DOCK1: variants seen among roughly 807,000 people sequenced by gnomAD.
The protein encoded by DOCK1 is dedicator of cytokinesis 1.
A neutral mutation model predicts 262.7 loss-of-function variants in DOCK1; 138 were observed. The observed-to-expected ratio is 0.53, with a 90% CI of 0.46 to 0.61. The LOEUF (loss-of-function observed/expected upper bound fraction) is 0.61. DOCK1 is among the 20% of genes least tolerant of loss of function. DOCK1 has a pLI of 0.00. For synonymous variants in DOCK1, 866 were observed against 867.4 expected (o/e 1.00, Z 0.03); for missense variants, 1,908 against 2,370.7 (o/e 0.80, Z 4.05).
intron 23 of DOCK1, among the ~76,000 whole-genome samples, chr10:127,081,034 C>A (rs2046869933): frequency 6.6e-6 from 1 of 152,114 alleles, no homozygotes; most frequent in Non-Finnish European, 1.5e-5. Context: ...TGTTCCTGAA[C>A]CCATGGTGCT....
At chr10:127,273,699 C>T (rs1416118416) in intron 29 of DOCK1, among the ~76,000 whole-genome samples, 2 of 152,022 alleles carry the variant, frequency 1.3e-5, no homozygotes, top group East Asian at 1.9e-4. Flanking sequence ...CTGGGCAACA[C>T]GACGCAACCC....
intron 27 of DOCK1, among the ~76,000 whole-genome samples, chr10:127,181,075 A>G (rs768992925): frequency 5.3e-5 from 8 of 152,180 alleles, no homozygotes; most frequent in Non-Finnish European, 1.2e-4. Flanking sequence ...CCCAGAAATG[A>G]TGAGATGGGG....
intron 27 of DOCK1, among the ~76,000 whole-genome samples, chr10:127,148,642 T>G (rs1176887293): frequency 6.6e-6 from 1 of 152,190 alleles, no homozygotes; most frequent in African/African-American, 2.4e-5. Flanking sequence ...GTGTGACTCA[T>G]CAGATTAGTC....
chr10:127,336,529 T>C (rs1218436872), intron 29 of DOCK1, among the ~76,000 whole-genome samples: 2 of 151,728 alleles, frequency 1.3e-5, no homozygotes, highest in African/African-American at 4.8e-5. Context: ...TAGCATGACA[T>C]ACATAGTTTT....
rs146931924 is a variant in DOCK1 at position 126,919,075 on chromosome 10, A to G, written c.46+13512A>G. 2.9e-3 allele frequency among the ~76,000 whole-genome samples: 449 copies of G among 152,268 alleles called. 2 individuals are homozygous for G. Among genetic ancestry groups the G allele is most frequent in the African/African-American group, 9.8e-3 (408 of 41,562 alleles). ...TTCATTCTCCTTCTGAGAGACAAAC[A>G]TGAGTTTCTCTTGAGGCCAGGAGTG... is the stretch of plus-strand genomic sequence containing the variant. On this transcript the variant is annotated intron_variant, in intron 1 of 51. Transcript: ENST00000623213.
chr10:127,378,864 T>G (rs780077376), intron 35 of DOCK1, among the ~76,000 whole-genome samples: 12 of 152,190 alleles, frequency 7.9e-5, no homozygotes, highest in Non-Finnish European at 1.3e-4. Context: ...TGGAGGACAG[T>G]AAAGTGTCAG....
At chr10:126,985,020 G>A (rs953181188) in intron 4 of DOCK1, among the ~76,000 whole-genome samples, 6 of 123,802 alleles carry the variant, frequency 4.8e-5, no homozygotes, top group Admixed American at 2.2e-4. Context: ...TTGCTCTGTC[G>A]CCCAGGCTGG....
rs1249050869 is a variant in DOCK1 at position 126,957,147 on chromosome 10, AT to A, written c.47-13554del. Among the ~76,000 whole-genome samples the A allele has an allele frequency of 3.3e-5, 5 of 152,198 alleles. No individual in the cohort carries two copies. The East Asian group carries it at 7.7e-4, about 24-fold the overall frequency. On this transcript the variant is annotated intron_variant, in intron 1 of 51. Transcript: ENST00000623213. ...TCACAGAGGGCTCGATTGGTTTTTA[AT>A]CTTCAATTTTACTTTTTTATCAAAG...
intron 18 of DOCK1, among the ~76,000 whole-genome samples, chr10:127,035,421 G>T (rs2043526107): frequency 6.6e-6 from 1 of 152,140 alleles, no homozygotes; most frequent in Non-Finnish European, 1.5e-5. Context: ...GGTAATAAGG[G>T]CCTGGGGTGG....
At chr10:127,007,219 T>A in intron 10 of DOCK1, among the ~76,000 whole-genome samples, 1 of 152,112 alleles carries the variant, frequency 6.6e-6, no homozygotes, top group East Asian at 1.9e-4. Flanking sequence ...TGAGTGTGGG[T>A]GTCGTCTCTT....
At chr10:126,923,572 C>T (rs544644190) in intron 1 of DOCK1, among the ~76,000 whole-genome samples, 3 of 152,102 alleles carry the variant, frequency 2.0e-5, no homozygotes, top group Admixed American at 6.5e-5. Context: ...TGCAGTGAGC[C>T]GAGATGGCAC....
intron 29 of DOCK1, among the ~76,000 whole-genome samples, chr10:127,266,205 C>A (rs2060348628): frequency 6.6e-6 from 1 of 152,200 alleles, no homozygotes; most frequent in East Asian, 1.9e-4. Flanking sequence ...GTTGAATATT[C>A]TTTGTGCAGG....
At chr10:126,913,029 T>C (rs2032040616) in intron 1 of DOCK1, among the ~76,000 whole-genome samples, 1 of 151,782 alleles carries the variant, frequency 6.6e-6, no homozygotes, top group East Asian at 1.9e-4. Context: ...TCCCTGGTGC[T>C]ACTGGACTCG....
chr10:126,963,640 C>CTCCT lies in DOCK1; in HGVS notation c.47-7033_47-7030dup, dbSNP rs1229446126. Among the ~76,000 whole-genome samples the CTCCT allele has an allele frequency of 7.6e-3, 494 of 65,048 alleles. 26 individuals carry two copies. Among genetic ancestry groups the CTCCT allele is most frequent in the African/African-American group, 0.013 (193 of 15,016 alleles). The allele number at this position is 65,048 out of a possible 152,430, so 42.7% of individuals were successfully genotyped here. ...CTTCCCTTCCCTTCCCTTCCCTTCC[C>CTCCT]TCCTTCCTTCCTTCCTTCCTTCCTT... On this transcript the variant is annotated intron_variant, in intron 1 of 51. Transcript: ENST00000623213.
chr10:126,993,326 A>G (rs191152551), intron 6 of DOCK1, among the ~76,000 whole-genome samples: 8 of 152,336 alleles, frequency 5.3e-5, no homozygotes, highest in Admixed American at 5.2e-4. Context: ...TGCCCATACC[A>G]GAACTGATCA....
intron 21 of DOCK1, among the ~76,000 whole-genome samples, chr10:127,043,696 C>A (rs2044165380): frequency 2.0e-5 from 3 of 152,224 alleles, no homozygotes. Flanking sequence ...TAGGAAGACA[C>A]CAGAGGCTAT....
chr10:126,916,663 T>A (rs2032530650), intron 1 of DOCK1, among the ~76,000 whole-genome samples: 1 of 151,902 alleles, frequency 6.6e-6, no homozygotes, highest in African/African-American at 2.4e-5. Flanking sequence ...CTTCTGTCCT[T>A]TCTTCCTCCC....
chr10:127,130,480 A>G (rs1273527651), intron 27 of DOCK1, among the ~76,000 whole-genome samples: 1 of 152,204 alleles, frequency 6.6e-6, no homozygotes, highest in Non-Finnish European at 1.5e-5. Context: ...GAAAAAGCTC[A>G]TAAAGTTTGG....
chr10:127,052,732 A>G lies in DOCK1; in HGVS notation c.2253A>G (p.Gly751=). The change falls in exon 22 of 52, where the codon GGA becomes GGG. Residue 751 remains glycine, a synonymous_variant. Coordinates refer to ENST00000623213, the MANE Select transcript of DOCK1 (RefSeq NM_001290223.2). ...ACGTGGACGGTGCTGAGAAGCCGGGAGTAAATGAGCAGCTGTACAAAGCCA... is the reference window on the plus strand; with the variant it reads ...ACGTGGACGGTGCTGAGAAGCCGGGGGTAAATGAGCAGCTGTACAAAGCCA... The part of the protein sequence containing the change: ...KNYVDGAEKP[G]VNEQLYKAMK... 1 of 1,613,954 alleles carries G rather than the reference A, an allele frequency of 6.2e-7. No individual in the cohort carries two copies. The highest frequency in any genetic ancestry group is 8.5e-7 in the Non-Finnish European group (1 of 1,179,882).
Sources: allele counts gnomAD v4.1 joint callset (sites outside exome capture counted in the v4.1 genomes callset), GRCh38; gene constraint gnomAD v4.1.1; transcripts MANE v1.5; gene names NCBI Gene and HGNC (gene_info 2026-07-23, HGNC 2026-07-21).